The following SENP7 variants were observed in gnomAD, a reference collection of about 807,000 sequenced individuals.
SENP7 encodes the protein sentrin-specific protease 7.
A neutral mutation model predicts 141.2 loss-of-function variants in SENP7; 64 were observed. The ratio of observed to expected loss-of-function variants is 0.45; its 90% CI spans 0.37 to 0.56. The LOEUF (loss-of-function observed/expected upper bound fraction) is 0.56, where lower values mean the gene tolerates loss of function less well. Among genes scored for constraint, SENP7 ranks in the 20% least tolerant of loss-of-function variants. SENP7 has a pLI of 0.00. For synonymous variants in SENP7, 382 were observed against 426.4 expected, an observed-to-expected ratio of 0.90 and a Z score of 1.28; for missense variants, 1,025 against 1,212.2, an observed-to-expected ratio of 0.85 and a Z score of 2.29.
At chr3:101,462,490 G>A (rs536829437) in intron 3 of SENP7, among the ~76,000 whole-genome samples, 30 of 151,034 alleles carry the variant, frequency 2.0e-4, no homozygotes, top group East Asian at 7.8e-4. Flanking sequence ...GGGGTGAGCC[G>A]AGATCGCGCC....
chr3:101,430,747 C>T (rs1284412110), intron 4 of SENP7, among the ~76,000 whole-genome samples: 2 of 152,070 alleles, frequency 1.3e-5, no homozygotes, highest in African/African-American at 4.8e-5. Context: ...GTTTGCTCTT[C>T]CTTCTGTAGT....
At chr3:101,470,913 A>G (rs2063965692) in intron 3 of SENP7, among the ~76,000 whole-genome samples, 1 of 152,202 alleles carries the variant, frequency 6.6e-6, no homozygotes, top group South Asian at 2.1e-4. Flanking sequence ...TGCTTCAAAG[A>G]GAATAAAATA....
At chr3:101,420,827 T>G (rs2061770544) in intron 4 of SENP7, among the ~76,000 whole-genome samples, 1 of 152,166 alleles carries the variant, frequency 6.6e-6, no homozygotes, top group African/African-American at 2.4e-5. Flanking sequence ...ACAACTGGTC[T>G]GGACTCCTCA....
intron 17 of SENP7, among the ~76,000 whole-genome samples, chr3:101,334,251 T>C (rs556486982): frequency 6.6e-6 from 1 of 152,236 alleles, no homozygotes; most frequent in African/African-American, 2.4e-5. Flanking sequence ...CAAATACTAG[T>C]TTCTTTTCTT....
intron 19 of SENP7, among the ~76,000 whole-genome samples, chr3:101,330,915 CT>C: frequency 6.6e-6 from 1 of 152,158 alleles, no homozygotes; most frequent in East Asian, 1.9e-4. Flanking sequence ...AATTTTGTTA[CT>C]TTTTTCTCAA....
chr3:101,357,160 CCAGT>C (rs1284375841), intron 11 of SENP7: 1 of 183,412 alleles, frequency 5.5e-6, no homozygotes, highest in Non-Finnish European at 1.1e-5. Context: ...CCCACCATGC[CCAGT>C]CAATTTTTGC....
In SENP7 at chr3:101,366,512, A is replaced by T; in HGVS notation, c.1236T>A (p.Asp412Glu). Reference sequence around the variant, plus strand: ...TTTCTATGGTATTCAACTCATTCTCATCCTTCTCAACCAGGGAAGAAATCC... The same window carrying T: ...TTTCTATGGTATTCAACTCATTCTCTTCCTTCTCAACCAGGGAAGAAATCC... ...IVGISSLVEK[D>E]ENELNTIEKP... Residue 412 changes from aspartate to glutamate, a missense_variant, in exon 9 of 24, where the codon GAT becomes GAA. By Grantham distance (45) the Asp-to-Glu change is conservative. Transcript: ENST00000394095. 6.2e-7 allele frequency: 1 copy of T among 1,613,870 alleles called. No individual in the cohort carries two copies. The highest frequency in any genetic ancestry group is 8.5e-7 in the Non-Finnish European group (1 of 1,179,802).
At chr3:101,457,739 G>T in intron 4 of SENP7, 1 of 849,562 alleles carries the variant, frequency 1.2e-6, no homozygotes, top group Non-Finnish European at 1.9e-6. Flanking sequence ...TCCTATCAGA[G>T]CAGATAAGGG....
intron 3 of SENP7, among the ~76,000 whole-genome samples, chr3:101,470,949 G>T (rs994002391): frequency 6.6e-6 from 1 of 152,188 alleles, no homozygotes; most frequent in Non-Finnish European, 1.5e-5. Context: ...TACAAGGGAT[G>T]TGAAGGACCT....
At chr3:101,438,058 T>C (rs1349212305) in intron 4 of SENP7, among the ~76,000 whole-genome samples, 1 of 152,014 alleles carries the variant, frequency 6.6e-6, no homozygotes, top group African/African-American at 2.4e-5. Flanking sequence ...TTCAAGAAAT[T>C]AAAAATATCA....
At chr3:101,513,014 C>A in intron 1 of SENP7, 77 bp downstream of exon 1, 2 of 1,537,044 alleles carry the variant, frequency 1.3e-6, no homozygotes, top group Non-Finnish European at 9.0e-7. Flanking sequence ...CGGGCCGCAA[C>A]CCCAGCTGCC....
rs551617307 is a variant in SENP7 at position 101,468,396 on chromosome 3, C to T, written c.187-9344G>A. On this transcript the variant is annotated intron_variant, in intron 3 of 23. Transcript: ENST00000394095. ...CTCTGTGAGAAGAGCAACCCCAAGA[C>T]GCATAATTGTCAGATTCACCAAGGC... Among the ~76,000 whole-genome samples, 26 of 152,188 alleles carry T rather than the reference C, an allele frequency of 1.7e-4. 1 individual carries two copies. The highest frequency in any genetic ancestry group is 3.9e-4 in the African/African-American group (16 of 41,526).
At chr3:101,494,250 CCA>C (rs1324088863) in intron 2 of SENP7, among the ~76,000 whole-genome samples, 2 of 152,098 alleles carry the variant, frequency 1.3e-5, no homozygotes, top group East Asian at 1.9e-4. Context: ...AATGTCAGCC[CCA>C]GAGTTCTCTA....
At chr3:101,455,946 G>A (rs4683911) in intron 4 of SENP7, among the ~76,000 whole-genome samples, 60,330 of 151,866 alleles carry the variant, frequency 0.4, 12,495 homozygotes, top group Admixed American at 0.54. Context: ...TTTCAGTAGA[G>A]AAAAACTAAA....
chr3:101,380,054 G>A (rs1056800016), intron 6 of SENP7, among the ~76,000 whole-genome samples: 19 of 152,296 alleles, frequency 1.2e-4, no homozygotes, highest in African/African-American at 3.6e-4. Context: ...TATGCTAAGC[G>A]AGATAAGTCA....
chr3:101,377,647 C>G (rs146591185), intron 6 of SENP7, among the ~76,000 whole-genome samples: 1 of 152,158 alleles, frequency 6.6e-6, no homozygotes, highest in African/African-American at 2.4e-5. Flanking sequence ...TCAAGAAAAA[C>G]TATTTCACCA....
chr3:101,413,658 T>C (rs1486193651), intron 5 of SENP7, among the ~76,000 whole-genome samples: 1 of 151,416 alleles, frequency 6.6e-6, no homozygotes, highest in Non-Finnish European at 1.5e-5. Flanking sequence ...TAACAAGCTG[T>C]TTAGCAAGAA....
At chr3:101,374,888 GATAATA>G (rs1172474701) in intron 6 of SENP7, among the ~76,000 whole-genome samples, 6 of 151,438 alleles carry the variant, frequency 4.0e-5, no homozygotes, top group Non-Finnish European at 7.4e-5. Context: ...GATTAATACT[GATAATA>G]ATAAAGACCT....
At chr3:101,490,195 A>AC (rs2064908413) in intron 3 of SENP7, among the ~76,000 whole-genome samples, 4 of 151,922 alleles carry the variant, frequency 2.6e-5, no homozygotes, top group Non-Finnish European at 5.9e-5. Flanking sequence ...CAAAAAAAAA[A>AC]CAAACAAACA....
Sources: allele counts gnomAD v4.1 joint callset (sites outside exome capture counted in the v4.1 genomes callset), GRCh38; gene constraint gnomAD v4.1.1; transcripts MANE v1.5; gene names NCBI Gene and HGNC (gene_info 2026-07-23, HGNC 2026-07-21).